Variants in WDR70 observed in about 807,000 individuals in gnomAD.
WDR70 encodes the protein WD repeat domain 70.
In WDR70, 53 loss-of-function variants were observed where a neutral mutation model predicts 88.6. That is an observed-to-expected ratio of 0.60 (90% CI 0.48 to 0.75). WDR70 has a LOEUF of 0.75. Ranked by LOEUF, WDR70 falls within the 30% of genes least tolerant of loss-of-function variation. The pLI is 0.00. For synonymous variants in WDR70, 280 were observed against 270.0 expected, an observed-to-expected ratio of 1.04 and a Z score of -0.36; for missense variants, 610 against 823.2, an observed-to-expected ratio of 0.74 and a Z score of 3.17.
Position 37,479,811 on chromosome 5 carries a change from ACTTTC to A in WDR70, c.687-18_687-14del, listed in dbSNP as rs768301205. ...AAACATTGTGCTTAGTATCTTACCA[ACTTTC>A]CTTTTCTTTTCGTACAGCCATCAGA... On this transcript the variant is annotated intron_variant, in intron 7 of 17. Transcript: ENST00000265107. 2 of 1,598,598 alleles carry A rather than the reference ACTTTC, an allele frequency of 1.3e-6. No homozygotes were observed. The highest frequency in any genetic ancestry group is 1.3e-5 in the African/African-American group (1 of 74,160).
chr5:37,471,364 C>T (rs929862704), intron 7 of WDR70, among the ~76,000 whole-genome samples: 3 of 151,658 alleles, frequency 2.0e-5, no homozygotes, highest in Non-Finnish European at 4.4e-5. Flanking sequence ...TTTTGTGATG[C>T]ATGATGAGAT....
intron 5 of WDR70, among the ~76,000 whole-genome samples, chr5:37,417,362 C>A (rs908548820): frequency 1.3e-5 from 2 of 151,876 alleles, no homozygotes; most frequent in African/African-American, 4.8e-5. Context: ...GTAGCTGGAA[C>A]TACAGGTGGG....
intron 10 of WDR70, among the ~76,000 whole-genome samples, chr5:37,614,037 G>A (rs1440534475): frequency 6.6e-6 from 1 of 152,144 alleles, no homozygotes; most frequent in Non-Finnish European, 1.5e-5. Flanking sequence ...TATGGCTGCT[G>A]CAACAAACTA....
intron 8 of WDR70, among the ~76,000 whole-genome samples, chr5:37,484,784 A>G (rs1031753703): frequency 8.5e-5 from 13 of 152,166 alleles, no homozygotes; most frequent in Non-Finnish European, 1.2e-4. Flanking sequence ...GATAGAGTCT[A>G]GGTATGTTTT....
intron 5 of WDR70, among the ~76,000 whole-genome samples, chr5:37,430,127 C>T (rs908903932): frequency 6.6e-6 from 1 of 151,988 alleles, no homozygotes; most frequent in Non-Finnish European, 1.5e-5. Context: ...ACCACTGCAC[C>T]CAGCCTGTTT....
chr5:37,399,346 G>A (rs1174590977), intron 5 of WDR70, among the ~76,000 whole-genome samples: 3 of 152,128 alleles, frequency 2.0e-5, no homozygotes. Context: ...GCTTGAACCC[G>A]CAAGGCCGAC....
At chr5:37,486,152 G>A (rs1006586648) in intron 8 of WDR70, among the ~76,000 whole-genome samples, 3 of 151,954 alleles carry the variant, frequency 2.0e-5, no homozygotes, top group Non-Finnish European at 4.4e-5. Context: ...ACTGAATAAT[G>A]AGAATCTGCT....
At chr5:37,410,193 GTTTTTTTTT>G (rs952637754) in intron 5 of WDR70, among the ~76,000 whole-genome samples, 2 of 119,456 alleles carry the variant, frequency 1.7e-5, no homozygotes, top group African/African-American at 3.1e-5. Context: ...GAGTTTGTTA[GTTTTTTTTT>G]TTTTTTTTTT....
At chr5:37,489,770 C>G (rs1490238458) in intron 8 of WDR70, among the ~76,000 whole-genome samples, 1 of 150,888 alleles carries the variant, frequency 6.6e-6, no homozygotes, top group Non-Finnish European at 1.5e-5. Flanking sequence ...TGGTAGGGCA[C>G]TCAGGGGGTG....
chr5:37,405,296 C>T (rs1461119153), intron 5 of WDR70, among the ~76,000 whole-genome samples: 1 of 151,750 alleles, frequency 6.6e-6, no homozygotes, highest in Non-Finnish European at 1.5e-5. Flanking sequence ...AAAGTACTCC[C>T]ATTGCTTGCT....
Position 37,437,973 on chromosome 5 carries a change from A to T in WDR70, c.544A>T (p.Thr182Ser). 1 of 1,609,538 alleles carries T rather than the reference A, an allele frequency of 6.2e-7. No homozygotes were observed. The highest frequency in any genetic ancestry group is 8.5e-7 in the Non-Finnish European group (1 of 1,177,970). ...GCATGAGATAACGCTGAAGCATGGC[A>T]CTAAAACAGTAAGTTTAAAAATCTA... ...DSHEITLKHG[T>S]KTVSALGLDP... The change falls in exon 6 of 18, where the codon ACT (threonine) becomes TCT (serine). Residue 182 changes from threonine (T) to serine (S), a missense_variant. By Grantham distance (58) the Thr-to-Ser change is moderately conservative. Transcript: ENST00000265107.
intron 9 of WDR70, among the ~76,000 whole-genome samples, chr5:37,530,077 G>A (rs1187731673): frequency 6.6e-6 from 1 of 152,090 alleles, no homozygotes; most frequent in Non-Finnish European, 1.5e-5. Flanking sequence ...CTCTTCAGAC[G>A]ATCATGTGAT....
At chr5:37,426,601 G>A (rs754420253) in intron 5 of WDR70, among the ~76,000 whole-genome samples, 15 of 152,164 alleles carry the variant, frequency 9.9e-5, no homozygotes, top group Middle Eastern at 3.2e-3. Context: ...GGCTGGCTCC[G>A]TTGAAACTTG....
At chr5:37,395,061 T>G (rs879890759) in intron 4 of WDR70, among the ~76,000 whole-genome samples, 1 of 152,234 alleles carries the variant, frequency 6.6e-6, no homozygotes, top group Non-Finnish European at 1.5e-5. Context: ...CAGAAATTCG[T>G]GCTTTCCTGG....
At chr5:37,514,826 G>A (rs768846550) in intron 8 of WDR70, among the ~76,000 whole-genome samples, 16 of 151,854 alleles carry the variant, frequency 1.1e-4, no homozygotes, top group Non-Finnish European at 1.0e-4. Flanking sequence ...AACCAGCCTG[G>A]GCAACATGGT....
intron 9 of WDR70, among the ~76,000 whole-genome samples, chr5:37,525,727 C>T (rs1430739400): frequency 1.3e-5 from 2 of 152,072 alleles, no homozygotes; most frequent in African/African-American, 4.8e-5. Context: ...AATTGATAGA[C>T]TGCAAGCAAG....
At position 37,409,218 on chromosome 5, in the gene WDR70, C is replaced by T. The variant is rs970429628; in HGVS notation, c.492+12648C>T. Among the ~76,000 whole-genome samples the T allele has an allele frequency of 8.5e-5, 13 of 152,066 alleles. 1 individual carries two copies. The highest frequency in any genetic ancestry group is 1.9e-4 in the African/African-American group (8 of 41,406). The stretch of plus-strand genomic sequence containing the variant: ...CCTCCTAAAGTGCTGGGATTACAGG[C>T]GTGAGCCACCATGCCTGGCTGAATT... On this transcript the variant is annotated intron_variant, in intron 5 of 17. Transcript: ENST00000265107.
At chr5:37,558,960 C>T (rs1399296373) in intron 9 of WDR70, among the ~76,000 whole-genome samples, 1 of 149,964 alleles carries the variant, frequency 6.7e-6, no homozygotes, top group Non-Finnish European at 1.5e-5. Context: ...GAGATGGAAT[C>T]TAGCTCCGTC....
intron 10 of WDR70, among the ~76,000 whole-genome samples, chr5:37,638,893 A>T (rs1378840971): frequency 6.6e-6 from 1 of 152,218 alleles, no homozygotes; most frequent in Non-Finnish European, 1.5e-5. Context: ...CTACAATATT[A>T]GCTTCAATTA....
Sources: gnomAD v4.1 joint callset for allele counts (sites outside exome capture counted in the v4.1 genomes callset) on GRCh38, gnomAD v4.1.1 for gene constraint, MANE v1.5 for transcripts, NCBI Gene and HGNC (gene_info 2026-07-23, HGNC 2026-07-21) for gene names.